The following LRMDA variants were observed in gnomAD, a reference collection of about 807,000 sequenced individuals.
The protein encoded by LRMDA is leucine rich melanocyte differentiation associated.
LRMDA carries 18 observed loss-of-function variants against 29.8 expected under a neutral mutation model. The observed-to-expected ratio is 0.60, with a 90% confidence interval of 0.42 to 0.90. The LOEUF (loss-of-function observed/expected upper bound fraction) is 0.90. LRMDA is among the 40% of genes least tolerant of loss of function. The pLI is 0.00. For missense variants in LRMDA, 273 were observed against 273.9 expected, an observed-to-expected ratio of 1.00 and a Z score of 0.02; for synonymous variants, 125 against 109.4, an observed-to-expected ratio of 1.14 and a Z score of -0.89.
chr10:76,111,875 C>A (rs1469226129), intron 5 of LRMDA, among the ~76,000 whole-genome samples: 17 of 152,200 alleles, frequency 1.1e-4, no homozygotes, highest in South Asian at 2.1e-4. Context: ...AAATTAGAAC[C>A]ACGTTGGGAG....
At chr10:75,825,824 G>C (rs1844238311) in intron 2 of LRMDA, among the ~76,000 whole-genome samples, 1 of 152,168 alleles carries the variant, frequency 6.6e-6, no homozygotes, top group African/African-American at 2.4e-5. Flanking sequence ...TGGCCTGGGG[G>C]TTGAGAACTC....
chr10:75,726,123 G>A (rs192334713), intron 2 of LRMDA, among the ~76,000 whole-genome samples: 1 of 152,190 alleles, frequency 6.6e-6, no homozygotes, highest in African/African-American at 2.4e-5. Flanking sequence ...CTCTTCCCTG[G>A]TATAAAAGAT....
chr10:75,852,471 C>T (rs1055008666), intron 2 of LRMDA, among the ~76,000 whole-genome samples: 1 of 151,580 alleles, frequency 6.6e-6, no homozygotes, highest in Non-Finnish European at 1.5e-5. Context: ...CATTTAGGAC[C>T]ATTACCTGTC....
At chr10:76,108,254 T>C (rs1849520194) in intron 5 of LRMDA, among the ~76,000 whole-genome samples, 1 of 152,162 alleles carries the variant, frequency 6.6e-6, no homozygotes, top group Non-Finnish European at 1.5e-5. Flanking sequence ...AAATCTGTCA[T>C]CATAGAGTCA....
At chr10:76,004,469 G>C (rs1847613340) in intron 2 of LRMDA, among the ~76,000 whole-genome samples, 1 of 152,188 alleles carries the variant, frequency 6.6e-6, no homozygotes, top group African/African-American at 2.4e-5. Context: ...AGAGTAAACT[G>C]CTGGTCTGCT....
intron 2 of LRMDA, among the ~76,000 whole-genome samples, chr10:75,878,376 G>A (rs138849806): frequency 1.3e-4 from 20 of 152,022 alleles, no homozygotes; most frequent in African/African-American, 3.9e-4. Flanking sequence ...GAGCCAGAAG[G>A]GGGGCATGGA....
intron 6 of LRMDA, among the ~76,000 whole-genome samples, chr10:76,385,132 A>C (rs1345549871): frequency 6.6e-6 from 1 of 152,242 alleles, no homozygotes. Context: ...CTGGTTTTCA[A>C]CTCTTTCCCA....
At chr10:76,058,411 G>A (rs1478063751) in intron 4 of LRMDA, among the ~76,000 whole-genome samples, 1 of 152,216 alleles carries the variant, frequency 6.6e-6, no homozygotes, top group Non-Finnish European at 1.5e-5. Context: ...GTGTGTGTGT[G>A]TGTGTTTACC....
chr10:75,604,421 C>T (rs1840929465), intron 2 of LRMDA, among the ~76,000 whole-genome samples: 1 of 152,126 alleles, frequency 6.6e-6, no homozygotes, highest in Non-Finnish European at 1.5e-5. Context: ...TGTCATTGCT[C>T]ATGTTTATCA....
chr10:75,812,447 C>T (rs1160501897), intron 2 of LRMDA, among the ~76,000 whole-genome samples: 1 of 152,128 alleles, frequency 6.6e-6, no homozygotes, highest in Non-Finnish European at 1.5e-5. Flanking sequence ...TCTTTCTGCT[C>T]TTTCGACCAT....
intron 2 of LRMDA, among the ~76,000 whole-genome samples, chr10:75,952,202 C>T (rs1846588614): frequency 1.3e-5 from 2 of 152,108 alleles, no homozygotes; most frequent in African/African-American, 4.8e-5. Flanking sequence ...GCCGATTGCT[C>T]CTCGTTTTAT....
intron 2 of LRMDA, among the ~76,000 whole-genome samples, chr10:75,875,949 A>T (rs1845190581): frequency 6.6e-6 from 1 of 151,984 alleles, no homozygotes; most frequent in African/African-American, 2.4e-5. Flanking sequence ...GCCTGATTGG[A>T]GAGCGGTGAT....
intron 2 of LRMDA, among the ~76,000 whole-genome samples, chr10:75,849,602 G>A (rs1039912689): frequency 3.9e-5 from 6 of 152,082 alleles, no homozygotes; most frequent in South Asian, 2.1e-4. Context: ...GGTACCTTTC[G>A]GGGGTGAGGT....
intron 2 of LRMDA, among the ~76,000 whole-genome samples, chr10:75,833,683 C>T (rs1226206780): frequency 1.3e-5 from 2 of 152,154 alleles, no homozygotes; most frequent in African/African-American, 4.8e-5. Context: ...CTCATGATCT[C>T]AATAATTTAA....
At chr10:76,531,341 G>A (rs1267394291) in intron 6 of LRMDA, among the ~76,000 whole-genome samples, 1 of 152,154 alleles carries the variant, frequency 6.6e-6, no homozygotes, top group Non-Finnish European at 1.5e-5. Flanking sequence ...TGAATGACAT[G>A]GGTGAGAGTA....
chr10:75,898,373 A>T (rs190947327), intron 2 of LRMDA, among the ~76,000 whole-genome samples: 1 of 152,256 alleles, frequency 6.6e-6, no homozygotes, highest in African/African-American at 2.4e-5. Flanking sequence ...AGAGGACACA[A>T]GACAGATTTC....
At chr10:76,231,762 A>G (rs1390579694) in intron 5 of LRMDA, among the ~76,000 whole-genome samples, 1 of 152,248 alleles carries the variant, frequency 6.6e-6, no homozygotes, top group African/African-American at 2.4e-5. Context: ...ATTATCACAA[A>G]TAGCCTTGTG....
chr10:76,178,880 C>T (rs182776891), intron 5 of LRMDA, among the ~76,000 whole-genome samples: 108 of 152,276 alleles, frequency 7.1e-4, no homozygotes, highest in Middle Eastern at 3.4e-3. Context: ...TCTGTGTGAT[C>T]GTTTCTGCAG....
At chr10:76,090,475 A>G (rs922090804) in intron 5 of LRMDA, among the ~76,000 whole-genome samples, 4 of 152,200 alleles carry the variant, frequency 2.6e-5, no homozygotes, top group African/African-American at 9.6e-5. Context: ...GGTTCCTCAA[A>G]AAAATTAAAA....
Sources: gnomAD v4.1 joint callset for allele counts (sites outside exome capture counted in the v4.1 genomes callset) on GRCh38, gnomAD v4.1.1 for gene constraint, MANE v1.5 for transcripts, NCBI Gene and HGNC (gene_info 2026-07-23, HGNC 2026-07-21) for gene names.